Variants in TRIM50 observed in about 807,000 individuals in gnomAD.
The protein encoded by TRIM50 is tripartite motif containing 50.
Under a neutral mutation model 44.9 loss-of-function variants are expected in TRIM50, and 34 were observed. That is an observed-to-expected ratio of 0.76 (90% CI 0.58 to 1.01). TRIM50 has a LOEUF of 1.01. TRIM50 is among the 50% of genes least tolerant of loss of function. TRIM50 has a pLI of 0.00. For synonymous variants in TRIM50, 307 were observed against 291.1 expected, an observed-to-expected ratio of 1.05 and a Z score of -0.56; for missense variants, 633 against 663.7, an observed-to-expected ratio of 0.95 and a Z score of 0.51.
rs1554543580 is a variant in TRIM50, at chr7:73,313,446, G to T, written c.939C>A (p.Asn313Lys). The change falls in exon 7 of 7, where the codon AAC becomes AAA. Residue 313 changes from asparagine to lysine, a missense_variant. By Grantham distance (94) the Asn-to-Lys change is moderately conservative (BLOSUM62 0). Transcript: ENST00000333149. The surrounding 1 kb of genome is among the most constrained non-coding windows in gnomAD (Gnocchi z 4.9). ...AHPLLELSKG[N>K]TVVQCGLLAQ... ...CCAGAAGCCCGCACTGCACCACCGT[G>T]TTGCCCTTGGAGAGCTCCAGGAGTG... The T allele has an allele frequency of 6.4e-7, 1 of 1,557,638 alleles. No homozygotes were observed. The highest frequency in any genetic ancestry group is 1.2e-5 in the South Asian group (1 of 85,486).
At chr7:73,327,079 C>T (rs1804650629) in intron 1 of TRIM50, among the ~76,000 whole-genome samples, 2 of 152,174 alleles carry the variant, frequency 1.3e-5, no homozygotes, top group African/African-American at 4.8e-5. Context: ...GTGTGAGCCA[C>T]CGCGCCTGTC....
At chr7:73,318,784 G>T in intron 4 of TRIM50, 38 bp downstream of exon 4, 1 of 1,614,000 alleles carries the variant, frequency 6.2e-7, no homozygotes. Context: ...GGAAGGCCCT[G>T]GCGGGTATGG....
At chr7:73,324,260 T>G in intron 2 of TRIM50, 129 bp downstream of exon 2, 1 of 1,508,220 alleles carries the variant, frequency 6.6e-7, no homozygotes, top group East Asian at 2.4e-5. Flanking sequence ...AAGGAATGAA[T>G]GCGCCAGGGC....
At chr7:73,318,564 T>A in intron 5 of TRIM50, 123 bp downstream of exon 5, 1 of 1,596,640 alleles carries the variant, frequency 6.3e-7, no homozygotes. Context: ...GGCTCAGTTA[T>A]AGAGCCAGCT....
At position 73,313,115 on chromosome 7, in the gene TRIM50, C is replaced by A. The variant is rs147515596; in HGVS notation, c.1270G>T (p.Glu424Ter). 6.9e-6 allele frequency: 11 copies of A among 1,593,392 alleles called. No individual in the cohort carries two copies. The highest frequency in any genetic ancestry group is 8.5e-6 in the Non-Finnish European group (10 of 1,170,616). ...IGLYLHYEQG[E>*]LTFFDADRPD... ...CGGTCGGCATCGAAGAAGGTGAGTT[C>A]GCCCTGCTCATAGTGCAGGTAGAGC... Residue 424 changes from glutamate (E) to a stop codon, truncating the protein, a stop_gained, in exon 7 of 7, where the codon GAA becomes TAA. Coordinates refer to ENST00000333149, the MANE Select transcript of TRIM50 (RefSeq NM_178125.3). LOFTEE classifies it high-confidence loss of function. This position sits in a 1 kb window ranked among gnomAD's most constrained non-coding sequence, Gnocchi z 4.9.
chr7:73,323,682 A>G (rs1220659506), intron 2 of TRIM50, among the ~76,000 whole-genome samples: 4 of 152,198 alleles, frequency 2.6e-5, no homozygotes, highest in African/African-American at 9.7e-5. Flanking sequence ...ACTGAAATAC[A>G]CCAGGGGACA....
intron 2 of TRIM50, among the ~76,000 whole-genome samples, chr7:73,323,467 G>T (rs79866895): frequency 1.3e-5 from 2 of 152,224 alleles, no homozygotes; most frequent in South Asian, 4.2e-4. Context: ...CACCCACCTC[G>T]GCCTCCCAAA....
intron 2 of TRIM50, among the ~76,000 whole-genome samples, chr7:73,323,003 T>A (rs1474276291): frequency 6.6e-6 from 1 of 152,170 alleles, no homozygotes; most frequent in Non-Finnish European, 1.5e-5. Flanking sequence ...AACCTTCCCG[T>A]CCCTCACCCT....
chr7:73,324,872 C>T, intron 1 of TRIM50, 67 bp from the exon 2 acceptor site: 1 of 1,594,060 alleles, frequency 6.3e-7, no homozygotes, highest in South Asian at 1.1e-5. Context: ...TCATCCACCA[C>T]CCTCAACCCT....
At chr7:73,324,165 G>T (rs1199727993) in intron 2 of TRIM50, among the ~76,000 whole-genome samples, 8 of 152,146 alleles carry the variant, frequency 5.3e-5, no homozygotes, top group African/African-American at 1.9e-4. Context: ...AACAGGAAGG[G>T]GTGAGCACGT....
At chr7:73,316,418 C>A (rs377758357) in intron 6 of TRIM50, 147 bp downstream of exon 6, 1 of 1,122,430 alleles carries the variant, frequency 8.9e-7, no homozygotes, top group Non-Finnish European at 1.2e-6. Flanking sequence ...CCAAGCTGTT[C>A]GGAAACTCAG....
chr7:73,313,606 G>A lies in TRIM50; in HGVS notation c.875-96C>T. ...GGAGGCCCTGAACTCCCCAAGGAGA[G>A]GGGCTGTGTCTTCCTCATCTCTCTA... On this transcript the variant is annotated intron_variant, in intron 6 of 6. Transcript: ENST00000333149. The surrounding 1 kb of genome is among the most constrained non-coding windows in gnomAD (Gnocchi z 4.9). 9.3e-7 allele frequency: 1 copy of A among 1,079,752 alleles called. No homozygotes were observed. Among genetic ancestry groups the A allele is most frequent in the Non-Finnish European group, 1.3e-6 (1 of 774,630 alleles). The allele number at this position is 1,079,752 out of a possible 1,614,324, so 66.9% of individuals were successfully genotyped here.
intron 2 of TRIM50, among the ~76,000 whole-genome samples, chr7:73,322,726 C>G (rs1554545246): frequency 6.6e-6 from 1 of 152,168 alleles, no homozygotes; most frequent in Non-Finnish European, 1.5e-5. Flanking sequence ...AGATTTTAAG[C>G]CTGGTACCCC....
chr7:73,313,148 G>A lies in TRIM50; in HGVS notation c.1237C>T (p.Arg413Cys), dbSNP rs1290156764. 5.0e-6 allele frequency: 8 copies of A among 1,589,626 alleles called. No homozygotes were observed. In the African/African-American group the frequency reaches 5.4e-5, roughly 11 times the overall value. ...VPLPVAGHPH[R>C]IGLYLHYEQG... ...TCATAGTGCAGGTAGAGCCCGATGC[G>A]GTGGGGGTGGCCGGCCACGGGCAGG... Residue 413 changes from arginine (R) to cysteine (C), a missense_variant, in exon 7 of 7, where the codon CGC becomes TGC. Transcript: ENST00000333149. The surrounding 1 kb of genome is among the most constrained non-coding windows in gnomAD (Gnocchi z 4.9).
intron 2 of TRIM50, among the ~76,000 whole-genome samples, chr7:73,323,915 C>T (rs1334361791): frequency 2.0e-5 from 3 of 152,124 alleles, no homozygotes; most frequent in African/African-American, 7.2e-5. Flanking sequence ...TGGTGTGCAC[C>T]TGTAGCCCCA....
chr7:73,324,338 G>C (rs1554545512), intron 2 of TRIM50, 51 bp downstream of exon 2: 1 of 1,613,396 alleles, frequency 6.2e-7, no homozygotes, highest in Admixed American at 1.7e-5. Flanking sequence ...GAGAGCACAG[G>C]ATCTGGTCCC....
intron 6 of TRIM50, among the ~76,000 whole-genome samples, chr7:73,315,565 G>C (rs1419108131): frequency 5.9e-5 from 9 of 152,076 alleles, no homozygotes; most frequent in African/African-American, 9.7e-5. Flanking sequence ...ATGTTACCCA[G>C]GCTGGTTTTG....
At chr7:73,315,881 CTT>C (rs144736935) in intron 6 of TRIM50, among the ~76,000 whole-genome samples, 21 of 139,830 alleles carry the variant, frequency 1.5e-4, no homozygotes, top group Admixed American at 1.4e-4. Flanking sequence ...AAGGATATTA[CTT>C]TTTTTTTTTT....
chr7:73,319,104 C>G (rs782202298), intron 3 of TRIM50, 52 bp from the exon 4 acceptor site: 29 of 1,613,604 alleles, frequency 1.8e-5, no homozygotes, highest in Non-Finnish European at 2.2e-5. Context: ...CTGCCAGGCT[C>G]TGTCTGGCTG....
Sources: gnomAD v4.1 joint callset for allele counts (sites outside exome capture counted in the v4.1 genomes callset) on GRCh38, gnomAD v4.1.1 for gene constraint, Gnocchi (gnomAD v3.1) non-coding constraint, MANE v1.5 for transcripts, NCBI Gene and HGNC (gene_info 2026-07-23, HGNC 2026-07-21) for gene names.